The following CFDP1 variants were observed in gnomAD, a reference collection of about 807,000 sequenced individuals.
CFDP1 encodes chromatin remodeling protein CFDP1, also known as heterochromatin-stabilizing protein CFDP1.
Under a neutral mutation model 40.1 loss-of-function variants are expected in CFDP1, and 31 were observed. The ratio of observed to expected loss-of-function variants is 0.77; its 90% CI spans 0.58 to 1.04. The LOEUF (loss-of-function observed/expected upper bound fraction) is 1.04, where lower values mean the gene tolerates loss of function less well. CFDP1 is among the 50% of genes least tolerant of loss of function. The probability of loss-of-function intolerance (pLI) is 0.00; values close to 1 mark genes in which losing one functional copy is unlikely to be tolerated. For synonymous variants in CFDP1, 167 were observed against 120.0 expected, an observed-to-expected ratio of 1.39 and a Z score of -2.56; for missense variants, 423 against 343.4, an observed-to-expected ratio of 1.23 and a Z score of -1.83.
chr16:75,338,214 CT>C (rs766575024), intron 5 of CFDP1, among the ~76,000 whole-genome samples: 11 of 152,172 alleles, frequency 7.2e-5, no homozygotes, highest in Non-Finnish European at 1.5e-4. Context: ...TACTTCACCT[CT>C]CACTCTTGGG....
intron 1 of CFDP1, 152 bp downstream of exon 1, chr16:75,433,137 G>A: frequency 2.9e-6 from 2 of 696,810 alleles, no homozygotes; most frequent in Non-Finnish European, 4.7e-6. Context: ...CGGAGCGGCC[G>A]AGGATGAGGG....
At chr16:75,401,725 A>G (rs927985018) in intron 4 of CFDP1, among the ~76,000 whole-genome samples, 7 of 151,792 alleles carry the variant, frequency 4.6e-5, no homozygotes, top group African/African-American at 1.4e-4. Flanking sequence ...TAGGTAATGC[A>G]TGTTTGGTTT....
chr16:75,391,753 G>A (rs371346827), intron 5 of CFDP1, among the ~76,000 whole-genome samples: 16 of 151,816 alleles, frequency 1.1e-4, no homozygotes, highest in African/African-American at 3.4e-4. Flanking sequence ...GCAGGTGGCC[G>A]AGGTCAGGAG....
At chr16:75,307,312 T>C (rs975910811) in intron 5 of CFDP1, among the ~76,000 whole-genome samples, 1 of 151,816 alleles carries the variant, frequency 6.6e-6, no homozygotes, top group Non-Finnish European at 1.5e-5. Flanking sequence ...GCCTCCCGGG[T>C]TCAAGCGATT....
intron 5 of CFDP1, among the ~76,000 whole-genome samples, chr16:75,316,568 C>CT (rs1282062812): frequency 1.1e-4 from 6 of 52,502 alleles, no homozygotes; most frequent in African/African-American, 1.5e-4. Context: ...GAGACCCTGT[C>CT]TAAAAAAAAA....
At chr16:75,299,261 C>T (rs751125931) in intron 6 of CFDP1, among the ~76,000 whole-genome samples, 4 of 152,140 alleles carry the variant, frequency 2.6e-5, no homozygotes, top group East Asian at 3.8e-4. Flanking sequence ...ATCATTCTGA[C>T]GTATTATGCT....
chr16:75,307,285 G>A (rs181404835), intron 5 of CFDP1, among the ~76,000 whole-genome samples: 19 of 151,724 alleles, frequency 1.3e-4, no homozygotes, highest in East Asian at 1.9e-4. Flanking sequence ...GCGTGATCTC[G>A]GCTCACTGCA....
intron 5 of CFDP1, among the ~76,000 whole-genome samples, chr16:75,354,483 G>A (rs1217533226): frequency 6.6e-6 from 1 of 151,774 alleles, no homozygotes. Flanking sequence ...TCACAGCCTT[G>A]GTGTTAAAAA....
intron 5 of CFDP1, among the ~76,000 whole-genome samples, chr16:75,365,933 G>T (rs1291477438): frequency 6.6e-6 from 1 of 152,152 alleles, no homozygotes; most frequent in African/African-American, 2.4e-5. Flanking sequence ...ATGCACTGCT[G>T]GTAGGAATGT....
intron 4 of CFDP1, among the ~76,000 whole-genome samples, chr16:75,404,547 T>C (rs984010398): frequency 6.6e-6 from 1 of 152,114 alleles, no homozygotes; most frequent in South Asian, 2.1e-4. Context: ...AAGATACTGG[T>C]GGCCTAACTT....
chr16:75,328,579 A>G (rs1205793250), intron 5 of CFDP1, among the ~76,000 whole-genome samples: 2 of 142,380 alleles, frequency 1.4e-5, no homozygotes, highest in African/African-American at 5.2e-5. Flanking sequence ...AGCCTGGGCG[A>G]CAAGAATGAA....
intron 5 of CFDP1, among the ~76,000 whole-genome samples, chr16:75,377,849 T>C (rs1409579045): frequency 2.6e-5 from 4 of 152,254 alleles, no homozygotes; most frequent in African/African-American, 9.6e-5. Flanking sequence ...TAGAATTTCA[T>C]GCTGAGTGGC....
intron 5 of CFDP1, among the ~76,000 whole-genome samples, chr16:75,366,455 T>C (rs2078714561): frequency 6.6e-6 from 1 of 152,086 alleles, no homozygotes; most frequent in South Asian, 2.1e-4. Context: ...AAACCCTGTC[T>C]CTACCAAAAA....
At chr16:75,368,075 C>A (rs1470590386) in intron 5 of CFDP1, among the ~76,000 whole-genome samples, 2 of 151,926 alleles carry the variant, frequency 1.3e-5, no homozygotes. Flanking sequence ...TGCCCTCTGG[C>A]CACAGAGAAG....
At chr16:75,374,901 C>G (rs1004625654) in intron 5 of CFDP1, among the ~76,000 whole-genome samples, 1 of 152,108 alleles carries the variant, frequency 6.6e-6, no homozygotes. Context: ...GGTGGCATTT[C>G]AAGTGTTCAA....
At position 75,395,387 on chromosome 16, in the gene CFDP1, G is replaced by A. The variant is rs377050400; in HGVS notation, c.531-178C>T. The stretch of plus-strand genomic sequence containing the variant: ...AATAAAGACATTTGCCCAGCCGGGC[G>A]TGGTGACTCACGCCTGTACTCCCAG... On this transcript the variant is annotated intron_variant, in intron 4 of 6. Coordinates refer to ENST00000283882, the MANE Select transcript of CFDP1 (RefSeq NM_006324.3). Among the ~76,000 whole-genome samples, 21 of 152,308 alleles carry A rather than the reference G, an allele frequency of 1.4e-4. 3 individuals carry two copies. Among genetic ancestry groups the A allele is most frequent in the Admixed American group, 6.5e-4 (10 of 15,296 alleles).
At chr16:75,317,019 T>G (rs1310737703) in intron 5 of CFDP1, among the ~76,000 whole-genome samples, 1 of 151,840 alleles carries the variant, frequency 6.6e-6, no homozygotes, top group Non-Finnish European at 1.5e-5. Context: ...AAAATAAAAA[T>G]AAAAAGTAAA....
chr16:75,421,853 C>T (rs989241234), intron 1 of CFDP1, among the ~76,000 whole-genome samples: 3 of 152,098 alleles, frequency 2.0e-5, no homozygotes, highest in Non-Finnish European at 4.4e-5. Flanking sequence ...AAGATCTCCC[C>T]CACCCCACAC....
At chr16:75,305,372 C>T in intron 5 of CFDP1, 190 bp from the exon 6 acceptor site, 1 of 590,036 alleles carries the variant, frequency 1.7e-6, no homozygotes. Context: ...ATGTGCTTTT[C>T]CTGCTTAACA....
Sources: gnomAD v4.1 joint callset for allele counts (sites outside exome capture counted in the v4.1 genomes callset) on GRCh38, gnomAD v4.1.1 for gene constraint, MANE v1.5 for transcripts, NCBI Gene and HGNC (gene_info 2026-07-23, HGNC 2026-07-21) for gene names.